Variants in TAFA2 observed in about 807,000 individuals in gnomAD.
The protein encoded by TAFA2 is chemokine-like protein TAFA-2.
A neutral mutation model predicts 18.8 loss-of-function variants in TAFA2; 7 were observed. The observed-to-expected ratio is 0.37, with a 90% confidence interval of 0.21 to 0.70. The LOEUF (loss-of-function observed/expected upper bound fraction) is 0.70, where lower values mean the gene tolerates loss of function less well. TAFA2 is among the 30% of genes least tolerant of loss of function. TAFA2 has a pLI of 0.53. For missense variants in TAFA2, 122 were observed against 158.1 expected, an observed-to-expected ratio of 0.77 and a Z score of 1.23; for synonymous variants, 60 against 54.2, an observed-to-expected ratio of 1.11 and a Z score of -0.47.
At chr12:61,956,711 A>G (rs1233971664) in intron 1 of TAFA2, among the ~76,000 whole-genome samples, 1 of 151,928 alleles carries the variant, frequency 6.6e-6, no homozygotes, top group Non-Finnish European at 1.5e-5. Context: ...GTTCACAGGC[A>G]GCCTTCTCAA....
Position 62,104,371 on chromosome 12 carries a change from C to A in TAFA2, c.-2+86888G>T, listed in dbSNP as rs79544588. ...AGACACCAGGGTTTGCTCTGAATTGCGCATCTGATTAAAGAAGGAAAAGCA... is the reference window on the plus strand; with the variant it reads ...AGACACCAGGGTTTGCTCTGAATTGAGCATCTGATTAAAGAAGGAAAAGCA... On this transcript the variant is annotated intron_variant, in intron 1 of 4. Transcript: ENST00000416284. Among the ~76,000 whole-genome samples the A allele has an allele frequency of 2.3e-3, 357 of 151,980 alleles. 2 individuals carry two copies. The highest frequency in any genetic ancestry group is 7.1e-3 in the Admixed American group (109 of 15,272).
chr12:62,030,158 A>G (rs1881419137), intron 1 of TAFA2, among the ~76,000 whole-genome samples: 1 of 152,168 alleles, frequency 6.6e-6, no homozygotes, highest in Admixed American at 6.5e-5. Flanking sequence ...ACACACTGGC[A>G]TCCTTGGGGA....
At chr12:62,202,439 C>T (rs1306869473) in intron 1 of TAFA2, among the ~76,000 whole-genome samples, 2 of 151,872 alleles carry the variant, frequency 1.3e-5, no homozygotes, top group Non-Finnish European at 2.9e-5. Flanking sequence ...TTCTGCCTCC[C>T]AGTTCAAGTG....
intron 2 of TAFA2, among the ~76,000 whole-genome samples, chr12:61,864,378 A>G (rs7961958): frequency 6.7e-6 from 1 of 149,324 alleles, no homozygotes. Context: ...ACCTATATAT[A>G]CCATATAGAA....
At chr12:61,824,864 A>G (rs1872478036) in intron 2 of TAFA2, among the ~76,000 whole-genome samples, 1 of 152,192 alleles carries the variant, frequency 6.6e-6, no homozygotes, top group African/African-American at 2.4e-5. Flanking sequence ...TGTGTTGTCA[A>G]TGCAAGAGTT....
chr12:62,082,513 G>A (rs1408149314), intron 1 of TAFA2, among the ~76,000 whole-genome samples: 1 of 152,126 alleles, frequency 6.6e-6, no homozygotes, highest in African/African-American at 2.4e-5. Context: ...CCAACATTGA[G>A]CACTGCTAAG....
chr12:62,206,577 G>A (rs1490392038), intron 1 of TAFA2, among the ~76,000 whole-genome samples: 1 of 152,006 alleles, frequency 6.6e-6, no homozygotes, highest in East Asian at 1.9e-4. Context: ...CACCCAGGCG[G>A]GATGCAGTGG....
chr12:62,071,814 A>G (rs190588497), intron 1 of TAFA2, among the ~76,000 whole-genome samples: 3 of 152,270 alleles, frequency 2.0e-5, no homozygotes, highest in Non-Finnish European at 4.4e-5. Flanking sequence ...TGGGTGGATG[A>G]TAGTGTCATC....
chr12:61,925,521 A>G lies in TAFA2; in HGVS notation c.-1-58095T>C, dbSNP rs144514291. Among the ~76,000 whole-genome samples the G allele has an allele frequency of 9.7e-3, 1,470 of 152,300 alleles. 38 individuals are homozygous for G. The highest frequency in any genetic ancestry group is 0.033 in the African/African-American group (1,384 of 41,550). On this transcript the variant is annotated intron_variant, in intron 1 of 4. Coordinates refer to ENST00000416284, the MANE Select transcript of TAFA2 (RefSeq NM_178539.5). ...TAATGAAATTAAGGCAGAAATAAAT[A>G]AGTTCTTTGAAACCATTGAGAACAA...
In TAFA2 at chr12:62,192,324, G is replaced by C. The variant is rs2062629880; in HGVS notation, c.-1067C>G. On this transcript the variant is annotated 5_prime_UTR_variant, in exon 1 of 5. Coordinates refer to ENST00000416284, the MANE Select transcript of TAFA2 (RefSeq NM_178539.5). ...GCCCTGGCACCGTCACCACCGAGGA[G>C]GTGCGAGTTCCAACATCGAACACAA... The C allele has an allele frequency of 6.6e-6, 1 of 152,266 alleles. No homozygotes were observed. Among genetic ancestry groups the C allele is most frequent in the Admixed American group, 6.5e-5 (1 of 15,288 alleles). The allele number at this position is 152,266 out of a possible 1,614,324, so 9.4% of individuals were successfully genotyped here.
intron 2 of TAFA2, among the ~76,000 whole-genome samples, chr12:61,805,529 C>A (rs1211221518): frequency 6.6e-6 from 1 of 151,862 alleles, no homozygotes; most frequent in Non-Finnish European, 1.5e-5. Context: ...TGTCCATTGC[C>A]CAAATGTTAA....
intron 1 of TAFA2, among the ~76,000 whole-genome samples, chr12:62,032,340 A>G (rs1881481771): frequency 6.6e-6 from 1 of 152,212 alleles, no homozygotes; most frequent in East Asian, 1.9e-4. Flanking sequence ...AAATCCAGTA[A>G]TACATCTTGT....
At chr12:61,977,903 T>C (rs1879493861) in intron 1 of TAFA2, among the ~76,000 whole-genome samples, 2 of 88,100 alleles carry the variant, frequency 2.3e-5, no homozygotes, top group East Asian at 3.1e-4. Context: ...GGGGAGAGGA[T>C]AGGAAATAAA....
chr12:62,143,371 T>C (rs1392080749), intron 1 of TAFA2, among the ~76,000 whole-genome samples: 2 of 152,228 alleles, frequency 1.3e-5, no homozygotes, highest in African/African-American at 4.8e-5. Flanking sequence ...ATTAAGGCCA[T>C]GCCTGATCTA....
At chr12:62,087,555 G>A (rs1314278615) in intron 1 of TAFA2, among the ~76,000 whole-genome samples, 1 of 152,144 alleles carries the variant, frequency 6.6e-6, no homozygotes, top group Non-Finnish European at 1.5e-5. Context: ...AAGCAGGGAT[G>A]AGCTCTGCAT....
At chr12:62,103,651 G>T (rs1238865259) in intron 1 of TAFA2, among the ~76,000 whole-genome samples, 2 of 151,862 alleles carry the variant, frequency 1.3e-5, no homozygotes, top group Admixed American at 1.3e-4. Flanking sequence ...TGAGGCAGGA[G>T]AACCGCTTGA....
rs978542267 is a variant in TAFA2, at chr12:61,825,896, C to A, written c.106+41424G>T. On this transcript the variant is annotated intron_variant, in intron 2 of 4. Coordinates refer to ENST00000416284, the MANE Select transcript of TAFA2 (RefSeq NM_178539.5). ...TAATGGAATAAAAAAGACCTCCTAT[C>A]CCTATTTAAGTCATTGGATCTGTAA... 3.9e-5 allele frequency among the ~76,000 whole-genome samples: 6 copies of A among 152,116 alleles called. No homozygotes were observed. In the East Asian group the frequency reaches 7.7e-4, roughly 20 times the overall value.
intron 1 of TAFA2, among the ~76,000 whole-genome samples, chr12:62,005,782 G>A (rs1232367360): frequency 6.6e-6 from 1 of 152,076 alleles, no homozygotes; most frequent in Non-Finnish European, 1.5e-5. Context: ...GCAAAGTGAG[G>A]TGTAGACAGT....
intron 2 of TAFA2, chr12:61,827,322 A>G (rs1872568526): frequency 1.3e-5 from 2 of 152,022 alleles, no homozygotes; most frequent in African/African-American, 4.8e-5. Flanking sequence ...TTGTTTAAAG[A>G]AGTATTACTT....
Sources: allele counts gnomAD v4.1 joint callset (sites outside exome capture counted in the v4.1 genomes callset), GRCh38; gene constraint gnomAD v4.1.1; transcripts MANE v1.5; gene names NCBI Gene and HGNC (gene_info 2026-07-23, HGNC 2026-07-21).